The following MEGF8 variants were observed in gnomAD, a reference collection of about 807,000 sequenced individuals.
MEGF8 encodes the protein multiple EGF like domains 8.
A neutral mutation model predicts 302.9 loss-of-function variants in MEGF8; 156 were observed. The ratio of observed to expected loss-of-function variants is 0.52; its 90% confidence interval spans 0.45 to 0.59. The LOEUF (loss-of-function observed/expected upper bound fraction) is 0.59, where lower values mean the gene tolerates loss of function less well. Ranked by LOEUF, MEGF8 falls within the 20% of genes least tolerant of loss-of-function variation. MEGF8 has a pLI of 0.00. For missense variants in MEGF8, 3,345 were observed against 3,964.5 expected (o/e 0.84, Z 4.20); for synonymous variants, 1,621 against 1,660.5 (o/e 0.98, Z 0.58).
At position 42,375,370 on chromosome 19, in the gene MEGF8, G is replaced by A; in HGVS notation, c.7270-137G>A. Reference sequence around the variant, plus strand: ...AGAAGGTCCGGGGGGTCACAGGGAAGTGACTGGGGCAGTGGGGGTGAGGCC... The same window carrying A: ...AGAAGGTCCGGGGGGTCACAGGGAAATGACTGGGGCAGTGGGGGTGAGGCC... On this transcript the variant is annotated intron_variant, in intron 41 of 41. Coordinates refer to ENST00000251268, the MANE Select transcript of MEGF8 (RefSeq NM_001271938.2). This position sits in a 1 kb window ranked among gnomAD's most constrained non-coding sequence, Gnocchi z 7.1. 1.1e-6 allele frequency: 1 copy of A among 906,982 alleles called. No homozygotes were observed. The highest frequency in any genetic ancestry group is 1.8e-5 in the South Asian group (1 of 56,704). 56.2% of individuals were successfully genotyped at this position (906,982 alleles called of 1,614,324 possible). A position where few individuals can be genotyped will look rare whatever the true frequency, so the allele number is the denominator to read the frequency against.
intron 12 of MEGF8, among the ~76,000 whole-genome samples, chr19:42,346,589 A>G (rs2039291997): frequency 6.6e-6 from 1 of 152,156 alleles, no homozygotes; most frequent in South Asian, 2.1e-4. Context: ...AGGGAGGAGT[A>G]TCTCTTGAGC....
intron 1 of MEGF8, among the ~76,000 whole-genome samples, chr19:42,328,388 G>C (rs753254695): frequency 3.3e-5 from 5 of 152,136 alleles, no homozygotes; most frequent in Non-Finnish European, 7.4e-5. Flanking sequence ...TGGGGGCTCT[G>C]GGGAGCTATG....
In MEGF8 at chr19:42,357,369, A is replaced by G. The variant is rs368571019; in HGVS notation, c.4831-35A>G. On this transcript the variant is annotated intron_variant, in intron 27 of 41. Coordinates refer to ENST00000251268, the MANE Select transcript of MEGF8 (RefSeq NM_001271938.2). The surrounding 1 kb of genome is among the most constrained non-coding windows in gnomAD (Gnocchi z 5.2). Reference sequence around the variant, plus strand: ...ACCCACAAGGTGACCCCTGACCTCTAGCCCCATCGGTGACCTTGCCCCTCC... The same window carrying G: ...ACCCACAAGGTGACCCCTGACCTCTGGCCCCATCGGTGACCTTGCCCCTCC... 6.9e-6 allele frequency: 11 copies of G among 1,605,712 alleles called. No homozygotes were observed. The African/African-American group carries it at 1.3e-4, about 20-fold the overall frequency.
chr19:42,370,374 T>C lies in MEGF8; in HGVS notation c.7005+15T>C. 74 of 1,477,832 alleles carry C rather than the reference T, an allele frequency of 5.0e-5. No homozygotes were observed. The highest frequency in any genetic ancestry group is 6.4e-5 in the Non-Finnish European group (69 of 1,079,694). 91.5% of individuals were successfully genotyped at this position (1,477,832 alleles called of 1,614,324 possible). A position where few individuals can be genotyped will look rare whatever the true frequency, so the allele number is the denominator to read the frequency against. ...ACCCAGAGGAGGTGAAAGAGAGGGGTCAGATGCCTGGGTCTGAGGGAGGAG... is the reference window on the plus strand; with the variant it reads ...ACCCAGAGGAGGTGAAAGAGAGGGGCCAGATGCCTGGGTCTGAGGGAGGAG... On this transcript the variant is annotated intron_variant, in intron 39 of 41. Coordinates refer to ENST00000251268, the MANE Select transcript of MEGF8 (RefSeq NM_001271938.2).
chr19:42,360,278 G>A (rs1192751596), intron 31 of MEGF8, among the ~76,000 whole-genome samples: 3 of 148,848 alleles, frequency 2.0e-5, no homozygotes, highest in Admixed American at 6.7e-5. Context: ...TTGTCTGCTT[G>A]TGTCTCTCTC....
chr19:42,341,858 C>T (rs1038708774), intron 8 of MEGF8, among the ~76,000 whole-genome samples: 5 of 152,158 alleles, frequency 3.3e-5, no homozygotes, highest in South Asian at 2.1e-4. Context: ...GCTTTGAAAT[C>T]GGATGAAAGC....
chr19:42,352,515 G>A lies in MEGF8; in HGVS notation c.3350+59G>A, dbSNP rs1406899493. ...CCCCAGGCTGGGGCACATGGAGGTG[G>A]AGGGAGGAAGCCATCATGGCGCTGG... On this transcript the variant is annotated intron_variant, in intron 19 of 41. Coordinates refer to ENST00000251268, the MANE Select transcript of MEGF8 (RefSeq NM_001271938.2). This position sits in a 1 kb window ranked among gnomAD's most constrained non-coding sequence, Gnocchi z 4.4. The A allele has an allele frequency of 6.6e-7, 1 of 1,512,598 alleles. No homozygotes were observed. Among genetic ancestry groups the A allele is most frequent in the East Asian group, 2.4e-5 (1 of 41,546 alleles). 93.7% of individuals were successfully genotyped at this position (1,512,598 alleles called of 1,614,324 possible).
rs2147446284 is a variant in MEGF8 at position 42,333,778 on chromosome 19, G to GA, written c.351+11dup. ...AGCTTCCTCAGGCAAGGTTAGTGGG[G>GA]ATGGGGCCGTGGCAGATACACCGAG... is the stretch of plus-strand genomic sequence containing the variant. On this transcript the variant is annotated intron_variant, in intron 2 of 41. Coordinates refer to ENST00000251268, the MANE Select transcript of MEGF8 (RefSeq NM_001271938.2). 3 of 1,613,128 alleles carry GA rather than the reference G, an allele frequency of 1.9e-6. No homozygotes were observed. The East Asian group carries it at 6.7e-5, about 36-fold the overall frequency.
rs748137207 is a variant in MEGF8, at chr19:42,336,227, T to C, written c.1125T>C (p.Tyr375=). The C allele has an allele frequency of 1.2e-6, 2 of 1,609,434 alleles. No homozygotes were observed. The highest frequency in any genetic ancestry group is 1.1e-5 in the South Asian group (1 of 91,094). Residue 375 remains tyrosine (Y), a synonymous_variant, in exon 6 of 42, where the codon TAT becomes TAC. Coordinates refer to ENST00000251268, the MANE Select transcript of MEGF8 (RefSeq NM_001271938.2). The surrounding 1 kb of genome is among the most constrained non-coding windows in gnomAD (Gnocchi z 4.8). ...GCCTTGACAGCACCAGCGGGGGCTA[T>C]TGGGAGCAGGTGATTCCGGCAGGCG... ...RFRLDSTSGG[Y]WEQVIPAGGR...
At position 42,359,187 on chromosome 19, in the gene MEGF8, C is replaced by T. The variant is rs370949857; in HGVS notation, c.5433C>T (p.Ser1811=). ...GGRSDPDEFS[S]DVLLYQVNCN... is the part of the protein sequence containing the mutation. ...GCTCGGACCCTGACGAGTTCAGCAGCGACGTTCTGCTCTACCAGGTCAACT... is the reference window on the plus strand; with the variant it reads ...GCTCGGACCCTGACGAGTTCAGCAGTGACGTTCTGCTCTACCAGGTCAACT... Residue 1811 remains serine, a synonymous_variant, in exon 31 of 42, where the codon AGC becomes AGT. Transcript: ENST00000251268. The T allele has an allele frequency of 8.7e-6, 14 of 1,604,438 alleles. No individual in the cohort carries two copies. The highest frequency in any genetic ancestry group is 3.3e-5 in the South Asian group (3 of 89,884).
intron 23 of MEGF8, among the ~76,000 whole-genome samples, chr19:42,355,249 G>A (rs968504358): frequency 2.7e-5 from 4 of 150,660 alleles, no homozygotes; most frequent in African/African-American, 4.9e-5. Flanking sequence ...AAGCTGCTGC[G>A]CCCGGCATAT....
At chr19:42,329,519 C>A (rs1391134722) in intron 1 of MEGF8, among the ~76,000 whole-genome samples, 3 of 152,142 alleles carry the variant, frequency 2.0e-5, no homozygotes, top group Admixed American at 6.5e-5. Context: ...CTTACCAATG[C>A]CTGTCACTTC....
rs960939148 is a variant in MEGF8, at chr19:42,343,548, G to T, written c.1585G>T (p.Ala529Ser). The change falls in exon 9 of 42, where the codon GCT becomes TCT. Residue 529 changes from alanine to serine, a missense_variant. By Grantham distance (99) the Ala-to-Ser change is moderately conservative (BLOSUM62 1). Coordinates refer to ENST00000251268, the MANE Select transcript of MEGF8 (RefSeq NM_001271938.2). ...AVLGGSVLLV[A>S]GGYSGRPRGD... The stretch of plus-strand genomic sequence containing the variant: ...GCTTGGTGGCAGCGTCCTGTTGGTG[G>T]CTGGGGGGTACAGCGGCCGGCCCCG... 1.2e-6 allele frequency: 2 copies of T among 1,613,588 alleles called. No individual in the cohort carries two copies. Among genetic ancestry groups the T allele is most frequent in the South Asian group, 2.2e-5 (2 of 91,034 alleles).
At chr19:42,329,578 C>T (rs1190051661) in intron 1 of MEGF8, among the ~76,000 whole-genome samples, 6 of 152,104 alleles carry the variant, frequency 3.9e-5, no homozygotes, top group African/African-American at 1.2e-4. Flanking sequence ...AAATAAACAA[C>T]CAGCCAGGGG....
In MEGF8 at chr19:42,326,417, G is replaced by A; in HGVS notation, c.174G>A (p.Glu58=). 1.3e-6 allele frequency: 2 copies of A among 1,559,152 alleles called. No individual in the cohort carries two copies. The highest frequency in any genetic ancestry group is 2.5e-5 in the East Asian group (1 of 40,322). ...AGNYSVNGNC[E]WLIEAPSPQH... is the part of the protein sequence containing the mutation. Reference sequence around the variant, plus strand: ...ACTACAGCGTCAATGGCAACTGCGAGTGGCTCATCGAGGGTGAGTGGGGCC... The same window carrying A: ...ACTACAGCGTCAATGGCAACTGCGAATGGCTCATCGAGGGTGAGTGGGGCC... The change falls in exon 1 of 42, where the codon GAG becomes GAA. Residue 58 remains glutamate, a synonymous_variant. Coordinates refer to ENST00000251268, the MANE Select transcript of MEGF8 (RefSeq NM_001271938.2).
At position 42,378,507 on chromosome 19, in the gene MEGF8, G is replaced by A. The variant is rs2039797787; in HGVS notation, c.*1732G>A. ...TCTCCTGAGGCGCCACCCCGCACCT[G>A]AGCCACCTCCTTGGACTCCTGTCCT... On this transcript the variant is annotated 3_prime_UTR_variant, in exon 42 of 42. Transcript: ENST00000251268. 6.5e-6 allele frequency: 1 copy of A among 153,934 alleles called. No individual in the cohort carries two copies. The highest frequency in any genetic ancestry group is 1.5e-5 in the Non-Finnish European group (1 of 68,202). The allele number at this position is 153,934 out of a possible 1,614,324, so 9.5% of individuals were successfully genotyped here.
Position 42,351,149 on chromosome 19 carries a change from T to C in MEGF8, c.2737-67T>C. 7.3e-7 allele frequency: 1 copy of C among 1,364,866 alleles called. No individual in the cohort carries two copies. Among genetic ancestry groups the C allele is most frequent in the Non-Finnish European group, 1.0e-6 (1 of 991,576 alleles). 84.5% of individuals were successfully genotyped at this position (1,364,866 alleles called of 1,614,324 possible). ...CTGCAGGGTGGGGCAGGGGGTGGGATGGGCACTGGGAGTCCAAAGGAAAGG... is the reference window on the plus strand; with the variant it reads ...CTGCAGGGTGGGGCAGGGGGTGGGACGGGCACTGGGAGTCCAAAGGAAAGG... On this transcript the variant is annotated intron_variant, in intron 15 of 41. Transcript: ENST00000251268. This position sits in a 1 kb window ranked among gnomAD's most constrained non-coding sequence, Gnocchi z 5.6.
intron 13 of MEGF8, among the ~76,000 whole-genome samples, chr19:42,348,776 A>G (rs2039326774): frequency 6.6e-6 from 1 of 152,126 alleles, no homozygotes; most frequent in Non-Finnish European, 1.5e-5. Context: ...ATTTTTTTGC[A>G]TTTTAAGTAA....
intron 8 of MEGF8, among the ~76,000 whole-genome samples, chr19:42,341,429 CAA>C (rs35096733): frequency 0.017 from 972 of 56,964 alleles, 12 homozygotes; most frequent in African/African-American, 0.051. Flanking sequence ...ACTCCATCTC[CAA>C]AAAAAAAAAA....
Sources: allele counts gnomAD v4.1 joint callset (sites outside exome capture counted in the v4.1 genomes callset), GRCh38; gene constraint gnomAD v4.1.1; non-coding constraint Gnocchi (gnomAD v3.1); transcripts MANE v1.5; gene names NCBI Gene and HGNC (gene_info 2026-07-23, HGNC 2026-07-21).